The following LAPTM4B variants were observed in gnomAD, a reference collection of about 807,000 sequenced individuals.
LAPTM4B encodes the protein lysosomal-associated transmembrane protein 4B.
In LAPTM4B, 26 loss-of-function variants were observed where a neutral mutation model predicts 28.5. The ratio of observed to expected loss-of-function variants is 0.91; its 90% confidence interval spans 0.67 to 1.27. LAPTM4B has a LOEUF of 1.27. Among genes scored for constraint, LAPTM4B ranks in the 50% most tolerant of loss-of-function variants. The pLI is 0.00. For missense variants in LAPTM4B, 288 were observed against 285.8 expected (o/e 1.01, Z -0.06); for synonymous variants, 109 against 106.4 (o/e 1.02, Z -0.15).
At chr8:97,817,296 T>C (rs1220157573) in intron 4 of LAPTM4B, among the ~76,000 whole-genome samples, 1 of 151,816 alleles carries the variant, frequency 6.6e-6, no homozygotes, top group African/African-American at 2.4e-5. Flanking sequence ...CATGCCCACC[T>C]AATTTTTCTT....
intron 6 of LAPTM4B, among the ~76,000 whole-genome samples, chr8:97,843,103 C>G (rs1267671986): frequency 6.6e-6 from 1 of 151,186 alleles, no homozygotes; most frequent in African/African-American, 2.4e-5. Flanking sequence ...CTGGTCTCTA[C>G]CTTTTGACCT....
intron 3 of LAPTM4B, among the ~76,000 whole-genome samples, chr8:97,815,781 T>C (rs1016655770): frequency 6.6e-6 from 1 of 152,092 alleles, no homozygotes; most frequent in African/African-American, 2.4e-5. Context: ...TTGGGCAGGC[T>C]AGTCTCGAAC....
chr8:97,819,354 T>C, intron 5 of LAPTM4B, 116 bp downstream of exon 5: 1 of 624,770 alleles, frequency 1.6e-6, no homozygotes. Context: ...AAATTGCTTT[T>C]TGATTTCCTA....
intron 1 of LAPTM4B, among the ~76,000 whole-genome samples, chr8:97,787,486 A>G (rs570495694): frequency 2.0e-5 from 3 of 152,136 alleles, no homozygotes; most frequent in South Asian, 2.1e-4. Context: ...GGGTTTCACC[A>G]TGTTAGCCAG....
At chr8:97,787,502 T>C (rs1816422541) in intron 1 of LAPTM4B, among the ~76,000 whole-genome samples, 1 of 152,270 alleles carries the variant, frequency 6.6e-6, no homozygotes, top group African/African-American at 2.4e-5. Flanking sequence ...GCCAGGATGG[T>C]CTCGATCTCC....
At chr8:97,824,694 A>C (rs1179103895) in intron 5 of LAPTM4B, among the ~76,000 whole-genome samples, 1 of 152,238 alleles carries the variant, frequency 6.6e-6, no homozygotes, top group Non-Finnish European at 1.5e-5. Flanking sequence ...TAAATGAGTT[A>C]ATACATTCGA....
chr8:97,795,632 C>T (rs907363303), intron 1 of LAPTM4B, among the ~76,000 whole-genome samples: 3 of 151,824 alleles, frequency 2.0e-5, no homozygotes, highest in Non-Finnish European at 4.4e-5. Context: ...GTGGGTGGAT[C>T]GCTTGAGGTC....
intron 6 of LAPTM4B, among the ~76,000 whole-genome samples, chr8:97,843,616 C>T (rs1252383441): frequency 6.6e-6 from 1 of 152,004 alleles, no homozygotes; most frequent in African/African-American, 2.4e-5. Context: ...TCTGTCTCTA[C>T]TAGAAATACA....
intron 6 of LAPTM4B, among the ~76,000 whole-genome samples, chr8:97,836,543 A>AAT (rs1485812884): frequency 6.6e-6 from 1 of 152,096 alleles, no homozygotes; most frequent in African/African-American, 2.4e-5. Context: ...AATACTAATA[A>AAT]AGGCCCGGAT....
chr8:97,802,706 A>T (rs376106555), intron 1 of LAPTM4B, among the ~76,000 whole-genome samples: 1 of 152,278 alleles, frequency 6.6e-6, no homozygotes, highest in East Asian at 1.9e-4. Context: ...GCTTTGGTTC[A>T]GATGCCTTTG....
At chr8:97,828,406 A>C (rs2512023) in intron 6 of LAPTM4B, among the ~76,000 whole-genome samples, 71,313 of 151,806 alleles carry the variant, frequency 0.47, 17,008 homozygotes, top group East Asian at 0.57. Context: ...TTGTATGAAC[A>C]GAGAGATTAG....
chr8:97,780,288 G>A (rs1313646742), intron 1 of LAPTM4B, among the ~76,000 whole-genome samples: 4 of 151,872 alleles, frequency 2.6e-5, no homozygotes, highest in Non-Finnish European at 4.4e-5. Flanking sequence ...TTAGTGGGGC[G>A]TGGTGGCACG....
chr8:97,819,261 T>C (rs925854081), intron 5 of LAPTM4B, 23 bp downstream of exon 5: 3 of 1,407,940 alleles, frequency 2.1e-6, no homozygotes, highest in Non-Finnish European at 2.0e-6. Flanking sequence ...ATTTTACTTA[T>C]AGTCTAAAAA....
chr8:97,837,854 C>T (rs1586344096), intron 6 of LAPTM4B, among the ~76,000 whole-genome samples: 1 of 152,180 alleles, frequency 6.6e-6, no homozygotes, highest in Admixed American at 6.5e-5. Context: ...TTCTTGCCTA[C>T]TAAGTTTAGA....
Position 97,815,962 on chromosome 8 carries a change from C to G in LAPTM4B, c.286-96C>G, listed in dbSNP as rs1056860780. 2.4e-6 allele frequency: 3 copies of G among 1,231,870 alleles called. No individual in the cohort carries two copies. In the African/African-American group the frequency reaches 4.8e-5, roughly 20 times the overall value. 76.3% of individuals were successfully genotyped at this position (1,231,870 alleles called of 1,614,324 possible). On this transcript the variant is annotated intron_variant, in intron 3 of 6. Coordinates refer to ENST00000521545, the MANE Select transcript of LAPTM4B (RefSeq NM_018407.6). ...CCTGGGTTAATGAATTCCAATTTTTCCATTTCCTTTCAGATTAATAAAATA... is the reference window on the plus strand; with the variant it reads ...CCTGGGTTAATGAATTCCAATTTTTGCATTTCCTTTCAGATTAATAAAATA...
Position 97,815,315 on chromosome 8 carries a change from A to G in LAPTM4B, c.212-13A>G, listed in dbSNP as rs1038156604. On this transcript the variant is annotated splice_polypyrimidine_tract_variant and intron_variant, in intron 2 of 6. Coordinates refer to ENST00000521545, the MANE Select transcript of LAPTM4B (RefSeq NM_018407.6). ...TGTCTTTTTTAAAGAAATTCTTTTT[A>G]ATCTTTCGGCAGACATGTGCATTGC... is the stretch of plus-strand genomic sequence containing the variant. 5 of 1,611,308 alleles carry G rather than the reference A, an allele frequency of 3.1e-6. No homozygotes were observed. The highest frequency in any genetic ancestry group is 3.3e-4 in the Middle Eastern group (2 of 6,038).
At chr8:97,810,825 T>G (rs1248523093) in intron 2 of LAPTM4B, among the ~76,000 whole-genome samples, 1 of 152,182 alleles carries the variant, frequency 6.6e-6, no homozygotes, top group Non-Finnish European at 1.5e-5. Context: ...AAATTTAGCC[T>G]GAAGAAAGAA....
chr8:97,823,813 TCAGCCTCCTGAGTAGCTGGGACTA>T (rs1434809197), intron 5 of LAPTM4B, among the ~76,000 whole-genome samples: 9 of 151,504 alleles, frequency 5.9e-5, no homozygotes, highest in Middle Eastern at 3.4e-3. Context: ...TTCTCCCGCC[TCAGCCTCCTGAGTAGCTGGGACTA>T]CAGGCGCACG....
intron 2 of LAPTM4B, among the ~76,000 whole-genome samples, chr8:97,808,373 G>A (rs550035688): frequency 1.2e-4 from 19 of 152,050 alleles, no homozygotes; most frequent in South Asian, 6.2e-4. Flanking sequence ...CTTGAACCTG[G>A]GAGGGGGGAG....
Sources: gnomAD v4.1 joint callset for allele counts (sites outside exome capture counted in the v4.1 genomes callset) on GRCh38, gnomAD v4.1.1 for gene constraint, MANE v1.5 for transcripts, NCBI Gene and HGNC (gene_info 2026-07-23, HGNC 2026-07-21) for gene names.